NRF1: variants seen among roughly 807,000 people sequenced by gnomAD.
NRF1 encodes nuclear respiratory factor 1.
NRF1 carries 5 observed loss-of-function variants against 58.5 expected under a neutral mutation model. The observed-to-expected ratio is 0.09, with a 90% CI of 0.04 to 0.18. The LOEUF (loss-of-function observed/expected upper bound fraction) is 0.18. Among genes scored for constraint, NRF1 ranks in the 10% least tolerant of loss-of-function variants. The pLI is 1.00. For synonymous variants in NRF1, 224 were observed against 246.7 expected, an observed-to-expected ratio of 0.91 and a Z score of 0.86; for missense variants, 288 against 657.7, an observed-to-expected ratio of 0.44 and a Z score of 6.15.
chr7:129,644,042 ACT>A (rs1427304963), intron 1 of NRF1, among the ~76,000 whole-genome samples: 1 of 151,414 alleles, frequency 6.6e-6, no homozygotes, highest in African/African-American at 2.4e-5. Flanking sequence ...CTGACTGTAG[ACT>A]CTGTCATTTC....
At chr7:129,624,113 A>C (rs1291371568) in intron 1 of NRF1, among the ~76,000 whole-genome samples, 1 of 152,116 alleles carries the variant, frequency 6.6e-6, no homozygotes, top group Non-Finnish European at 1.5e-5. Context: ...GCCCAGCTGA[A>C]AGGGACATGA....
intron 9 of NRF1, among the ~76,000 whole-genome samples, chr7:129,719,687 A>G (rs1584670137): frequency 6.6e-6 from 1 of 152,056 alleles, no homozygotes; most frequent in South Asian, 2.1e-4. Context: ...TTTCAGTAAC[A>G]TGAAAGTCTT....
At position 129,711,567 on chromosome 7, in the gene NRF1, T is replaced by C; in HGVS notation, c.1056T>C (p.Ala352=). Residue 352 remains alanine (A), a synonymous_variant, in exon 8 of 11, where the codon GCT becomes GCC. Coordinates refer to ENST00000393232, the MANE Select transcript of NRF1 (RefSeq NM_005011.5). The part of the protein sequence containing the change: ...TVAQVNYSAV[A]DGEVEQNWAT... ...CCCAAGTGAATTATTCTGCCGTGGC[T>C]GATGGAGAGGTAAGAAAGAGATTCC... is the stretch of plus-strand genomic sequence containing the variant. 1 of 1,609,908 alleles carries C rather than the reference T, an allele frequency of 6.2e-7. No homozygotes were observed. The highest frequency in any genetic ancestry group is 8.5e-7 in the Non-Finnish European group (1 of 1,177,588).
chr7:129,666,562 C>T (rs1801927740), intron 2 of NRF1, among the ~76,000 whole-genome samples: 3 of 152,070 alleles, frequency 2.0e-5, no homozygotes, highest in Admixed American at 1.3e-4. Flanking sequence ...GATGGAGTTT[C>T]ACTCTGTTGC....
chr7:129,700,481 A>C (rs1016106033), intron 5 of NRF1, among the ~76,000 whole-genome samples: 1 of 152,226 alleles, frequency 6.6e-6, no homozygotes, highest in East Asian at 1.9e-4. Context: ...AACCACTATG[A>C]TGGATCACAA....
At chr7:129,740,565 A>C (rs924925914) in intron 10 of NRF1, among the ~76,000 whole-genome samples, 1 of 151,600 alleles carries the variant, frequency 6.6e-6, no homozygotes, top group East Asian at 1.9e-4. Flanking sequence ...CTTTTCTGTC[A>C]CTCCTCAGGC....
Position 129,717,117 on chromosome 7 carries a change from GTA to G in NRF1, c.1066-100_1066-99del, listed in dbSNP as rs1584667693. On this transcript the variant is annotated intron_variant, in intron 8 of 10. Coordinates refer to ENST00000393232, the MANE Select transcript of NRF1 (RefSeq NM_005011.5). ...TTGCAGGTCATGTTAATTTTAAAGA[GTA>G]TGTGTATTTAGCCAAAAAGTAGCAA... 65 of 1,112,736 alleles carry G rather than the reference GTA, an allele frequency of 5.8e-5. No homozygotes were observed. In the East Asian group the frequency reaches 1.6e-3, roughly 28 times the overall value. The allele number at this position is 1,112,736 out of a possible 1,614,324, so 68.9% of individuals were successfully genotyped here.
intron 10 of NRF1, chr7:129,734,917 T>C (rs992479155): frequency 1.4e-5 from 4 of 286,366 alleles, no homozygotes; most frequent in Non-Finnish European, 2.1e-5. Context: ...CAGGACTCTT[T>C]CAGCCTTCCC....
At chr7:129,658,978 A>G (rs1242629354) in intron 2 of NRF1, among the ~76,000 whole-genome samples, 1 of 150,226 alleles carries the variant, frequency 6.7e-6, no homozygotes, top group African/African-American at 2.5e-5. Context: ...CTACTACACC[A>G]TTTTATATCA....
At chr7:129,735,735 GCGGTGGCTGA>G (rs1803693229) in intron 10 of NRF1, among the ~76,000 whole-genome samples, 1 of 151,988 alleles carries the variant, frequency 6.6e-6, no homozygotes, top group Non-Finnish European at 1.5e-5. Context: ...ACCACCGGGC[GCGGTGGCTGA>G]CGCCTGTAAT....
intron 10 of NRF1, among the ~76,000 whole-genome samples, chr7:129,754,118 A>G (rs931683015): frequency 1.3e-5 from 2 of 152,140 alleles, no homozygotes; most frequent in African/African-American, 2.4e-5. Flanking sequence ...ACCCTAAGGC[A>G]TGTTTCCACA....
intron 1 of NRF1, among the ~76,000 whole-genome samples, chr7:129,653,258 C>G (rs1424802220): frequency 6.6e-6 from 1 of 152,112 alleles, no homozygotes. Context: ...TCAGAATTTC[C>G]TTTTTTTAAA....
rs116170192 is a variant in NRF1, at chr7:129,659,838, T to C, written c.223+2264T>C. On this transcript the variant is annotated intron_variant, in intron 2 of 10. Coordinates refer to ENST00000393232, the MANE Select transcript of NRF1 (RefSeq NM_005011.5). ...CTCACTTGTATGTCTCTTAACCATC[T>C]GTTCTGTATGTATCATCTTTCTGTG... Among the ~76,000 whole-genome samples, 789 of 152,350 alleles carry C rather than the reference T, an allele frequency of 5.2e-3. 11 individuals are homozygous for C. The highest frequency in any genetic ancestry group is 0.018 in the African/African-American group (764 of 41,578).
intron 2 of NRF1, among the ~76,000 whole-genome samples, chr7:129,663,774 G>T (rs1221147625): frequency 6.6e-6 from 1 of 152,202 alleles, no homozygotes; most frequent in East Asian, 1.9e-4. Context: ...GCCAAGGCAG[G>T]CAGCTGGGAG....
chr7:129,675,308 G>A (rs1584630547), intron 3 of NRF1, among the ~76,000 whole-genome samples: 1 of 152,168 alleles, frequency 6.6e-6, no homozygotes, highest in Admixed American at 6.5e-5. Context: ...TCATCCGTAA[G>A]GCTTGGAATC....
At chr7:129,705,570 C>T (rs1802929264) in intron 5 of NRF1, among the ~76,000 whole-genome samples, 1 of 152,116 alleles carries the variant, frequency 6.6e-6, no homozygotes. Context: ...GGATTACAGG[C>T]GTGAGCCACC....
At chr7:129,748,125 A>AT (rs1271785028) in intron 10 of NRF1, among the ~76,000 whole-genome samples, 1 of 151,532 alleles carries the variant, frequency 6.6e-6, no homozygotes, top group Non-Finnish European at 1.5e-5. Context: ...AAATACAAAA[A>AT]TTAGCCGGGC....
intron 10 of NRF1, among the ~76,000 whole-genome samples, chr7:129,730,516 G>A (rs1242294934): frequency 1.3e-5 from 2 of 152,146 alleles, no homozygotes; most frequent in Non-Finnish European, 2.9e-5. Context: ...AGAGCAATTT[G>A]GATATCATTC....
intron 10 of NRF1, among the ~76,000 whole-genome samples, chr7:129,747,632 G>A (rs1428830290): frequency 6.6e-6 from 1 of 152,180 alleles, no homozygotes; most frequent in African/African-American, 2.4e-5. Flanking sequence ...CCTGTGAGAT[G>A]AGTGATCACC....
Sources: gnomAD v4.1 joint callset for allele counts (sites outside exome capture counted in the v4.1 genomes callset) on GRCh38, gnomAD v4.1.1 for gene constraint, MANE v1.5 for transcripts, NCBI Gene and HGNC (gene_info 2026-07-23, HGNC 2026-07-21) for gene names.